Variants in MCC observed in about 807,000 individuals in gnomAD.
The protein encoded by MCC is MCC regulator of Wnt signaling pathway.
In MCC, 90 loss-of-function variants were observed where a neutral mutation model predicts 116.2. The ratio of observed to expected loss-of-function variants is 0.77; its 90% CI spans 0.65 to 0.92. The LOEUF is 0.92. Ranked by LOEUF, MCC falls within the 40% of genes least tolerant of loss-of-function variation. The pLI is 0.00. For missense variants in MCC, 1,516 were observed against 1,312.2 expected, an observed-to-expected ratio of 1.16 and a Z score of -2.40; for synonymous variants, 578 against 510.5, an observed-to-expected ratio of 1.13 and a Z score of -1.78.
At chr5:113,341,168 T>G (rs1768000206) in intron 2 of MCC, among the ~76,000 whole-genome samples, 1 of 149,904 alleles carries the variant, frequency 6.7e-6, no homozygotes, top group Non-Finnish European at 1.5e-5. Context: ...CTTTTTCTCC[T>G]TCCTTCCTTC....
At chr5:113,247,544 T>C (rs1482333223) in intron 3 of MCC, among the ~76,000 whole-genome samples, 1 of 152,040 alleles carries the variant, frequency 6.6e-6, no homozygotes, top group Non-Finnish European at 1.5e-5. Context: ...TTAGTAGAAA[T>C]AAAAGTGGTA....
chr5:113,326,795 A>G (rs1417524933), intron 3 of MCC, among the ~76,000 whole-genome samples: 3 of 152,362 alleles, frequency 2.0e-5, no homozygotes, highest in Non-Finnish European at 4.4e-5. Context: ...GGCTGAATTA[A>G]GGTAGATTAT....
intron 6 of MCC, among the ~76,000 whole-genome samples, chr5:113,110,410 C>T (rs185628190): frequency 3.9e-5 from 6 of 152,282 alleles, no homozygotes; most frequent in South Asian, 2.1e-4. Context: ...GGAAGCATTC[C>T]GGTTTCACAA....
intron 6 of MCC, among the ~76,000 whole-genome samples, chr5:113,111,444 G>A (rs374250945): frequency 1.3e-5 from 2 of 152,200 alleles, no homozygotes; most frequent in East Asian, 3.8e-4. Context: ...CCTGGCCGGG[G>A]TGGGTTCCCA....
chr5:113,168,492 T>G (rs1760891482), intron 3 of MCC, among the ~76,000 whole-genome samples: 1 of 152,200 alleles, frequency 6.6e-6, no homozygotes. Flanking sequence ...AGATGAGCTG[T>G]GCTACATAAG....
At chr5:113,104,103 T>C in intron 7 of MCC, 89 bp downstream of exon 7, 1 of 1,274,024 alleles carries the variant, frequency 7.8e-7, no homozygotes, top group Non-Finnish European at 1.1e-6. Flanking sequence ...CCCTAGTAAG[T>C]ATTTAAGAAA....
chr5:113,376,341 C>A (rs1034895467), intron 2 of MCC, among the ~76,000 whole-genome samples: 1 of 152,154 alleles, frequency 6.6e-6, no homozygotes, highest in Non-Finnish European at 1.5e-5. Context: ...CCAATGCATG[C>A]CCTGTGTCAG....
intron 1 of MCC, among the ~76,000 whole-genome samples, chr5:113,388,802 T>C (rs1047973088): frequency 6.6e-6 from 1 of 152,200 alleles, no homozygotes; most frequent in African/African-American, 2.4e-5. Context: ...TGTCCCCATT[T>C]TACAGATTAT....
chr5:113,229,236 A>G (rs1188345481), intron 3 of MCC, among the ~76,000 whole-genome samples: 2 of 152,212 alleles, frequency 1.3e-5, no homozygotes, highest in Admixed American at 1.3e-4. Flanking sequence ...AAAACAGCCA[A>G]GAGACAGCTG....
intron 2 of MCC, among the ~76,000 whole-genome samples, chr5:113,361,864 C>T (rs1768556644): frequency 6.6e-6 from 1 of 152,166 alleles, no homozygotes; most frequent in Non-Finnish European, 1.5e-5. Context: ...GACTCTTGGA[C>T]TTCCACCAGC....
intron 16 of MCC, chr5:113,044,418 C>G (rs1751932669): frequency 1.2e-6 from 1 of 853,394 alleles, no homozygotes; most frequent in East Asian, 1.2e-4. Context: ...GCTCTACATT[C>G]CATGCACAGA....
At chr5:113,463,542 C>T (rs964084522) in intron 1 of MCC, among the ~76,000 whole-genome samples, 4 of 152,208 alleles carry the variant, frequency 2.6e-5, no homozygotes, top group African/African-American at 7.2e-5. Context: ...CAAGTTTGTT[C>T]TGGCTTCCCG....
At chr5:113,367,769 G>A (rs534422697) in intron 2 of MCC, among the ~76,000 whole-genome samples, 24 of 152,182 alleles carry the variant, frequency 1.6e-4, no homozygotes, top group African/African-American at 5.3e-4. Flanking sequence ...TGCTGGCTGA[G>A]GGGTAGGGCA....
chr5:113,284,604 C>G (rs917125669), intron 3 of MCC, among the ~76,000 whole-genome samples: 1 of 152,184 alleles, frequency 6.6e-6, no homozygotes. Flanking sequence ...CCTTTTGCCA[C>G]TAGCAAGCCT....
At chr5:113,476,605 A>C (rs1053060115) in intron 1 of MCC, among the ~76,000 whole-genome samples, 2 of 152,220 alleles carry the variant, frequency 1.3e-5, no homozygotes, top group Non-Finnish European at 2.9e-5. Context: ...AAACATTTAA[A>C]TTATTTCTGA....
intron 2 of MCC, among the ~76,000 whole-genome samples, chr5:113,353,144 G>A (rs762578998): frequency 1.3e-5 from 2 of 152,156 alleles, no homozygotes; most frequent in Non-Finnish European, 1.5e-5. Context: ...CAAGGCAGAG[G>A]CCTTTCACGT....
chr5:113,461,254 C>T (rs1170614661), intron 1 of MCC, among the ~76,000 whole-genome samples: 2 of 152,040 alleles, frequency 1.3e-5, no homozygotes, highest in African/African-American at 4.8e-5. Flanking sequence ...GACCAAGACC[C>T]TGACTTAAAA....
At chr5:113,087,542 G>A (rs537482043) in intron 8 of MCC, among the ~76,000 whole-genome samples, 25 of 152,320 alleles carry the variant, frequency 1.6e-4, no homozygotes, top group African/African-American at 6.0e-4. Context: ...ACTGGGCAAA[G>A]AGAGAGGGCT....
Position 113,129,300 on chromosome 5 carries a change from G to C in MCC, c.885-6474C>G, listed in dbSNP as rs35291708. ...GTTTAAGAAGAGTGCCGTCAGGAAG[G>C]AAAGAGGGCCTAGGGTCAAATGCCA... is the stretch of plus-strand genomic sequence containing the variant. On this transcript the variant is annotated intron_variant, in intron 5 of 18. Transcript: ENST00000408903. Among the ~76,000 whole-genome samples the C allele has an allele frequency of 6.0e-4, 92 of 152,270 alleles. 1 individual carries two copies. The highest frequency in any genetic ancestry group is 9.3e-4 in the Non-Finnish European group (63 of 68,020).
Sources: allele counts gnomAD v4.1 joint callset (sites outside exome capture counted in the v4.1 genomes callset), GRCh38; gene constraint gnomAD v4.1.1; transcripts MANE v1.5; gene names NCBI Gene and HGNC (gene_info 2026-07-23, HGNC 2026-07-21).